The following SLC24A2 variants were observed in gnomAD, a reference collection of about 807,000 sequenced individuals.
The protein encoded by SLC24A2 is sodium/potassium/calcium exchanger 2.
A neutral mutation model predicts 62.0 loss-of-function variants in SLC24A2; 36 were observed. The ratio of observed to expected loss-of-function variants is 0.58; its 90% CI spans 0.44 to 0.77. The LOEUF (loss-of-function observed/expected upper bound fraction) is 0.77. SLC24A2 is among the 30% of genes least tolerant of loss of function. The pLI is 0.00. For missense variants in SLC24A2, 846 were observed against 817.9 expected, an observed-to-expected ratio of 1.03 and a Z score of -0.42; for synonymous variants, 358 against 294.0, an observed-to-expected ratio of 1.22 and a Z score of -2.23.
the SLC24A2 span, among the ~76,000 whole-genome samples, chr9:20,012,810 C>G: frequency 6.6e-6 from 1 of 150,786 alleles, no homozygotes; most frequent in Non-Finnish European, 1.5e-5. Flanking sequence ...ACAATAGCAA[C>G]AAAAAATTAA....
the SLC24A2 span, among the ~76,000 whole-genome samples, chr9:20,048,231 C>T: frequency 0.035 from 5,285 of 152,236 alleles, 322 homozygotes; most frequent in African/African-American, 0.12. Flanking sequence ...CTGCCTAGCA[C>T]ATAGTAGGTA....
the SLC24A2 span, among the ~76,000 whole-genome samples, chr9:19,810,224 C>T: frequency 6.6e-6 from 1 of 152,086 alleles, no homozygotes; most frequent in Non-Finnish European, 1.5e-5. Context: ...TGTGCTCATG[C>T]CAGGCACAGT....
intron 2 of SLC24A2, among the ~76,000 whole-genome samples, chr9:19,654,023 G>A (rs1014455713): frequency 3.3e-5 from 5 of 152,054 alleles, no homozygotes; most frequent in East Asian, 1.9e-4. Context: ...CACCACCACC[G>A]CACTCACGAT....
chr9:19,553,550 T>C (rs1586947102), intron 7 of SLC24A2, among the ~76,000 whole-genome samples: 2 of 152,158 alleles, frequency 1.3e-5, no homozygotes, highest in South Asian at 4.1e-4. Context: ...CACAAAAACA[T>C]ATGACTTTAA....
chr9:19,835,560 A>AC, the SLC24A2 span, among the ~76,000 whole-genome samples: 5 of 152,344 alleles, frequency 3.3e-5, no homozygotes, highest in South Asian at 2.1e-4. Context: ...ATACAGGAGC[A>AC]CCCAGATTCA....
intron 2 of SLC24A2, among the ~76,000 whole-genome samples, chr9:19,739,804 G>A (rs916059116): frequency 5.9e-5 from 9 of 152,072 alleles, no homozygotes; most frequent in Admixed American, 2.6e-4. Flanking sequence ...TACAGAAAAA[G>A]TCTGATAAAT....
the SLC24A2 span, among the ~76,000 whole-genome samples, chr9:20,305,830 A>T: frequency 6.6e-6 from 1 of 152,104 alleles, no homozygotes; most frequent in Non-Finnish European, 1.5e-5. Context: ...TCAACAACAG[A>T]AATGTATTTC....
chr9:19,968,295 C>G, the SLC24A2 span, among the ~76,000 whole-genome samples: 1 of 152,182 alleles, frequency 6.6e-6, no homozygotes, highest in Non-Finnish European at 1.5e-5. Context: ...TGAAACACAG[C>G]AGCTTTTGTT....
intron 5 of SLC24A2, among the ~76,000 whole-genome samples, chr9:19,592,523 T>A (rs976440319): frequency 6.6e-6 from 1 of 151,892 alleles, no homozygotes; most frequent in African/African-American, 2.4e-5. Context: ...CCTACCTACC[T>A]ACCTACCTAC....
At chr9:19,931,353 G>T in the SLC24A2 span, among the ~76,000 whole-genome samples, 1 of 152,098 alleles carries the variant, frequency 6.6e-6, no homozygotes. Flanking sequence ...TTTAAAAATA[G>T]ATTTTTTTCA....
intron 2 of SLC24A2, among the ~76,000 whole-genome samples, chr9:19,660,282 T>C (rs1251739592): frequency 3.9e-5 from 6 of 152,182 alleles, no homozygotes; most frequent in Admixed American, 3.9e-4. Flanking sequence ...TAAGCAGGTA[T>C]GGGTGAAGGG....
intron 5 of SLC24A2, among the ~76,000 whole-genome samples, chr9:19,596,924 TG>T (rs796926626): frequency 3.3e-5 from 5 of 152,310 alleles, no homozygotes; most frequent in African/African-American, 9.6e-5. Flanking sequence ...TGTGAGCATG[TG>T]GGGGAAAGTA....
At chr9:19,948,342 C>A in the SLC24A2 span, among the ~76,000 whole-genome samples, 1 of 152,212 alleles carries the variant, frequency 6.6e-6, no homozygotes, top group South Asian at 2.1e-4. Flanking sequence ...AAAGCTGATT[C>A]AAATCACATC....
In SLC24A2 at chr9:19,572,211, G is replaced by C. The variant is rs542936534; in HGVS notation, c.1347+1140C>G. ...GGAGGTGGAGGTTGCAGTGAGCTGA[G>C]ATTGAGTCACTGCACTCCAGGCTGG... On this transcript the variant is annotated intron_variant, in intron 7 of 10. Coordinates refer to ENST00000341998, the MANE Select transcript of SLC24A2 (RefSeq NM_020344.4). Among the ~76,000 whole-genome samples the C allele has an allele frequency of 5.1e-4, 63 of 124,674 alleles. No individual in the cohort carries two copies. The South Asian group carries it at 0.017, about 34-fold the overall frequency. The allele number at this position is 124,674 out of a possible 152,430, so 81.8% of individuals were successfully genotyped here. A position where few individuals can be genotyped will look rare whatever the true frequency, so the allele number is the denominator to read the frequency against.
chr9:19,996,293 T>C, the SLC24A2 span, among the ~76,000 whole-genome samples: 1 of 152,196 alleles, frequency 6.6e-6, no homozygotes, highest in Non-Finnish European at 1.5e-5. Context: ...TCATAAGTCC[T>C]GGGGCATGGT....
the SLC24A2 span, among the ~76,000 whole-genome samples, chr9:19,977,454 G>A: frequency 1.4e-4 from 21 of 152,204 alleles, no homozygotes; most frequent in Non-Finnish European, 2.1e-4. Flanking sequence ...GATGATGGTC[G>A]TGGAGCATGA....
At chr9:20,110,000 T>G in the SLC24A2 span, among the ~76,000 whole-genome samples, 3 of 152,318 alleles carry the variant, frequency 2.0e-5, no homozygotes, top group Non-Finnish European at 4.4e-5. Context: ...CTGTGTTCTT[T>G]TTTCTTACAT....
chr9:19,670,942 G>C (rs1006921624), intron 2 of SLC24A2, among the ~76,000 whole-genome samples: 2 of 152,104 alleles, frequency 1.3e-5, no homozygotes, highest in Non-Finnish European at 2.9e-5. Flanking sequence ...AGCCTAAAAA[G>C]TCAGATTAGA....
chr9:20,305,126 T>C, the SLC24A2 span, among the ~76,000 whole-genome samples: 1 of 151,326 alleles, frequency 6.6e-6, no homozygotes, highest in Non-Finnish European at 1.5e-5. Flanking sequence ...TTTTTTTTTT[T>C]TGAGATGGAG....
Sources: allele counts gnomAD v4.1 joint callset (sites outside exome capture counted in the v4.1 genomes callset), GRCh38; gene constraint gnomAD v4.1.1; transcripts MANE v1.5; gene names NCBI Gene and HGNC (gene_info 2026-07-23, HGNC 2026-07-21).